FBXO16: variants seen among roughly 807,000 people sequenced by gnomAD.
FBXO16 encodes the protein F-box only protein 16.
FBXO16 carries 31 observed loss-of-function variants against 41.0 expected under a neutral mutation model. The observed-to-expected ratio is 0.76, with a 90% CI of 0.57 to 1.02. FBXO16 has a LOEUF of 1.02. Ranked by LOEUF, FBXO16 falls within the 50% of genes least tolerant of loss-of-function variation. The pLI is 0.00. For missense variants in FBXO16, 361 were observed against 346.2 expected (o/e 1.04, Z -0.34); for synonymous variants, 133 against 117.8 (o/e 1.13, Z -0.84).
At chr8:28,433,266 G>A (rs367946529) in intron 7 of FBXO16, among the ~76,000 whole-genome samples, 28 of 152,256 alleles carry the variant, frequency 1.8e-4, no homozygotes, top group African/African-American at 3.4e-4. Context: ...TCTTTAAAGC[G>A]AAGGAAATAG....
At chr8:28,439,719 C>T (rs1483044103) in intron 7 of FBXO16, among the ~76,000 whole-genome samples, 5 of 151,164 alleles carry the variant, frequency 3.3e-5, no homozygotes, top group Non-Finnish European at 7.4e-5. Context: ...GCACTCCAGC[C>T]TGAGTGACAG....
intron 4 of FBXO16, among the ~76,000 whole-genome samples, chr8:28,460,828 G>C (rs1194152591): frequency 6.6e-6 from 1 of 152,016 alleles, no homozygotes; most frequent in African/African-American, 2.4e-5. Context: ...TTAACCTCCT[G>C]GGCTCCAGCA....
chr8:28,431,016 G>A (rs1248225149), intron 7 of FBXO16, among the ~76,000 whole-genome samples: 8 of 152,078 alleles, frequency 5.3e-5, no homozygotes, highest in Non-Finnish European at 2.9e-5. Context: ...GTTAAATGAA[G>A]AAAAGGCCTA....
intron 2 of FBXO16, among the ~76,000 whole-genome samples, chr8:28,478,600 G>T (rs1324179191): frequency 6.6e-6 from 1 of 152,122 alleles, no homozygotes; most frequent in African/African-American, 2.4e-5. Context: ...AAGGCCAGTG[G>T]ATCACTGAGG....
In FBXO16 at chr8:28,463,801, GTC is replaced by G; in HGVS notation, c.151_152del (p.Asp51LeufsTer73). ...CTGTGAGGATTCTTCTTCTTTGAGA[GTC>G]TGTCCATTTGTCAAACTGGAAACAC... ...LLGKWFDKWT[D>X]SQRRRILTGL... On this transcript the variant is annotated frameshift_variant, in exon 4 of 9. Transcript: ENST00000380254. LOFTEE classifies it high-confidence loss of function. 6.2e-7 allele frequency: 1 copy of G among 1,613,758 alleles called. No individual in the cohort carries two copies. The highest frequency in any genetic ancestry group is 8.5e-7 in the Non-Finnish European group (1 of 1,179,896).
At chr8:28,444,320 T>TC (rs1802826477) in intron 7 of FBXO16, among the ~76,000 whole-genome samples, 2 of 134,430 alleles carry the variant, frequency 1.5e-5, no homozygotes, top group South Asian at 5.2e-4. Context: ...TTTTTTTTTT[T>TC]GAGACGGAGT....
Position 28,456,832 on chromosome 8 carries a change from A to G in FBXO16, c.441T>C (p.Phe147=), listed in dbSNP as rs1803046705. ...AGTGCTTCTTCCAGATCCCCTGCTC[A>G]AAGGGAGTTGGAGAGAAATTGATGT... is the stretch of plus-strand genomic sequence containing the variant. ...NWYINFSPTP[F]EQGIWKKHYI... The change falls in exon 5 of 9, where the codon TTT becomes TTC. Residue 147 remains phenylalanine, a synonymous_variant. Coordinates refer to ENST00000380254, the MANE Select transcript of FBXO16 (RefSeq NM_172366.4). The G allele has an allele frequency of 1.2e-6, 2 of 1,614,138 alleles. No individual in the cohort carries two copies. The highest frequency in any genetic ancestry group is 1.7e-6 in the Non-Finnish European group (2 of 1,180,016).
At chr8:28,430,518 A>G (rs1300332105) in intron 7 of FBXO16, among the ~76,000 whole-genome samples, 2 of 152,320 alleles carry the variant, frequency 1.3e-5, no homozygotes, top group East Asian at 3.9e-4. Flanking sequence ...AAGGGGTAAG[A>G]GATGGGAGTA....
chr8:28,454,585 G>A (rs578098651), intron 5 of FBXO16, among the ~76,000 whole-genome samples: 50 of 151,202 alleles, frequency 3.3e-4, no homozygotes, highest in Middle Eastern at 3.4e-3. Flanking sequence ...AAAATTAGCC[G>A]GGCATGGTGG....
chr8:28,469,315 G>GAA (rs78348990), intron 3 of FBXO16, among the ~76,000 whole-genome samples: 11 of 140,566 alleles, frequency 7.8e-5, no homozygotes, highest in African/African-American at 2.1e-4. Context: ...CCCTGCCTCA[G>GAA]AAAAAAAAAA....
At chr8:28,461,921 A>G (rs35107433) in intron 4 of FBXO16, among the ~76,000 whole-genome samples, 47,457 of 151,542 alleles carry the variant, frequency 0.31, 7,728 homozygotes, top group East Asian at 0.51. Flanking sequence ...TTGCTCAATT[A>G]TCCCTACACC....
At chr8:28,486,105 CA>C (rs34817606) in intron 1 of FBXO16, among the ~76,000 whole-genome samples, 82,714 of 128,188 alleles carry the variant, frequency 0.65, 24,017 homozygotes, top group Middle Eastern at 0.71. Context: ...GACTCTGTCT[CA>C]AAAAAAAAAA....
intron 7 of FBXO16, among the ~76,000 whole-genome samples, chr8:28,436,115 C>CG (rs1802683244): frequency 2.0e-5 from 3 of 152,114 alleles, no homozygotes; most frequent in Admixed American, 6.6e-5. Context: ...GGTCCTCCCT[C>CG]GGGGGCCTTC....
chr8:28,432,841 A>G (rs898223697), intron 7 of FBXO16, among the ~76,000 whole-genome samples: 37 of 151,970 alleles, frequency 2.4e-4, no homozygotes, highest in African/African-American at 8.5e-4. Context: ...TGGATCACCT[A>G]AGGTCAGGCA....
intron 7 of FBXO16, among the ~76,000 whole-genome samples, chr8:28,439,761 A>T (rs1048052765): frequency 5.3e-5 from 8 of 151,858 alleles, no homozygotes; most frequent in Non-Finnish European, 8.8e-5. Context: ...AAAAAAAATT[A>T]AATTTAAATT....
At position 28,483,345 on chromosome 8, in the gene FBXO16, T is replaced by C. The variant is rs1457779032; in HGVS notation, c.99+3A>G. 1.2e-6 allele frequency: 2 copies of C among 1,607,268 alleles called. No individual in the cohort carries two copies. Among genetic ancestry groups the C allele is most frequent in the East Asian group, 2.2e-5 (1 of 44,774 alleles). On this transcript the variant is annotated splice_donor_region_variant and intron_variant, in intron 2 of 8. Transcript: ENST00000380254. ...AATTGTTAAAATAGTTCTGGTCACT[T>C]ACCCGGTCATTCAATAGCTGATGGT...
chr8:28,459,644 T>A (rs1803093461), intron 4 of FBXO16, among the ~76,000 whole-genome samples: 3 of 146,598 alleles, frequency 2.0e-5, no homozygotes, highest in African/African-American at 7.5e-5. Context: ...ATAATAATAA[T>A]AATAATAATA....
rs1251354780 is a variant in FBXO16 at position 28,429,868 on chromosome 8, T to C, written c.844-465A>G. On this transcript the variant is annotated intron_variant, in intron 7 of 8. Coordinates refer to ENST00000380254, the MANE Select transcript of FBXO16 (RefSeq NM_172366.4). ...CTGCAGTCCTCCCGTAAGTCTAACC[T>C]GTCCTTCCAGGCCTGCCTTCCTGCA... Among the ~76,000 whole-genome samples the C allele has an allele frequency of 3.9e-5, 6 of 152,198 alleles. No homozygotes were observed. The East Asian group carries it at 1.2e-3, about 29-fold the overall frequency.
At chr8:28,468,370 G>A (rs1157357858) in intron 3 of FBXO16, among the ~76,000 whole-genome samples, 1 of 152,126 alleles carries the variant, frequency 6.6e-6, no homozygotes, top group African/African-American at 2.4e-5. Context: ...AGGGCGATCA[G>A]GTTCCACCCA....
Sources: gnomAD v4.1 joint callset for allele counts (sites outside exome capture counted in the v4.1 genomes callset) on GRCh38, gnomAD v4.1.1 for gene constraint, MANE v1.5 for transcripts, NCBI Gene and HGNC (gene_info 2026-07-23, HGNC 2026-07-21) for gene names.